The following MYO1D variants were observed in gnomAD, a reference collection of about 807,000 sequenced individuals.
MYO1D encodes myosin ID, also known as unconventional myosin-Id.
In MYO1D, 83 loss-of-function variants were observed where a neutral mutation model predicts 122.0. The ratio of observed to expected loss-of-function variants is 0.68; its 90% CI spans 0.57 to 0.82. The LOEUF (loss-of-function observed/expected upper bound fraction) is 0.82, where lower values mean the gene tolerates loss of function less well. Ranked by LOEUF, MYO1D falls within the 40% of genes least tolerant of loss-of-function variation. The pLI is 0.00. For synonymous variants in MYO1D, 464 were observed against 446.9 expected (o/e 1.04, Z -0.48); for missense variants, 1,157 against 1,269.5 (o/e 0.91, Z 1.35).
chr17:32,610,156 A>T (rs925418577), intron 20 of MYO1D, among the ~76,000 whole-genome samples: 6 of 152,154 alleles, frequency 3.9e-5, no homozygotes, highest in African/African-American at 1.4e-4. Context: ...CTGAAACCAC[A>T]GGGATAGAGG....
At chr17:32,728,294 C>T (rs2089599140) in intron 14 of MYO1D, among the ~76,000 whole-genome samples, 1 of 151,820 alleles carries the variant, frequency 6.6e-6, no homozygotes, top group Non-Finnish European at 1.5e-5. Flanking sequence ...CAACCTCGGA[C>T]TCCCGGGTTC....
intron 21 of MYO1D, among the ~76,000 whole-genome samples, chr17:32,571,164 T>C (rs1329663197): frequency 6.6e-6 from 1 of 152,054 alleles, no homozygotes; most frequent in African/African-American, 2.4e-5. Flanking sequence ...CAGTGGGAAG[T>C]ATCTGTGGGG....
At chr17:32,652,388 C>T (rs774924008) in intron 19 of MYO1D, among the ~76,000 whole-genome samples, 4 of 152,058 alleles carry the variant, frequency 2.6e-5, no homozygotes, top group Non-Finnish European at 5.9e-5. Context: ...AAATGAAGCA[C>T]GTGTAAAATC....
chr17:32,736,807 T>G (rs1373289703), intron 14 of MYO1D, among the ~76,000 whole-genome samples: 1 of 152,260 alleles, frequency 6.6e-6, no homozygotes, highest in African/African-American at 2.4e-5. Flanking sequence ...GTCCTGTGTC[T>G]TCCTTCCAGG....
At chr17:32,749,083 A>G in intron 11 of MYO1D, 77 bp from the exon 12 acceptor site, 1 of 1,240,464 alleles carries the variant, frequency 8.1e-7, no homozygotes, top group Non-Finnish European at 1.2e-6. Flanking sequence ...CTTAATATGA[A>G]ATGATGATAA....
intron 1 of MYO1D, among the ~76,000 whole-genome samples, chr17:32,849,279 T>C (rs570289200): frequency 2.0e-5 from 3 of 149,540 alleles, no homozygotes; most frequent in Non-Finnish European, 4.4e-5. Context: ...GATCTAGAAC[T>C]AGAAATACCA....
At chr17:32,593,549 G>C (rs948359586) in intron 21 of MYO1D, among the ~76,000 whole-genome samples, 1 of 152,178 alleles carries the variant, frequency 6.6e-6, no homozygotes, top group Non-Finnish European at 1.5e-5. Flanking sequence ...TTGTTCCTTT[G>C]TAAGAGAATC....
At chr17:32,720,936 T>C (rs1399776566) in intron 15 of MYO1D, 87 bp downstream of exon 15, 2 of 1,279,196 alleles carry the variant, frequency 1.6e-6, no homozygotes, top group Admixed American at 5.4e-5. Context: ...TATTTATAGA[T>C]TGCCTAATAT....
chr17:32,613,126 A>G (rs1375260663), intron 20 of MYO1D, among the ~76,000 whole-genome samples: 1 of 151,630 alleles, frequency 6.6e-6, no homozygotes. Flanking sequence ...AAGAAAGATA[A>G]AACAATTAAT....
At chr17:32,663,973 C>T (rs565828266) in intron 16 of MYO1D, among the ~76,000 whole-genome samples, 23 of 152,158 alleles carry the variant, frequency 1.5e-4, no homozygotes, top group South Asian at 6.2e-4. Flanking sequence ...TTCTTGGTTT[C>T]GGGGTTGATG....
chr17:32,538,040 C>G (rs1485801729), intron 21 of MYO1D, among the ~76,000 whole-genome samples: 2 of 151,954 alleles, frequency 1.3e-5, no homozygotes, highest in Non-Finnish European at 2.9e-5. Context: ...TTTTTTCAAC[C>G]TGTAATGTCT....
chr17:32,594,904 C>G (rs1386648695), intron 21 of MYO1D, among the ~76,000 whole-genome samples: 2 of 152,122 alleles, frequency 1.3e-5, no homozygotes, highest in African/African-American at 4.8e-5. Flanking sequence ...CTTGTCAGCT[C>G]ACTGACAAGG....
At chr17:32,600,218 G>T (rs1303786392) in intron 21 of MYO1D, among the ~76,000 whole-genome samples, 1 of 152,174 alleles carries the variant, frequency 6.6e-6, no homozygotes, top group Admixed American at 6.5e-5. Context: ...TGTAATCCAG[G>T]CCTTGTGTTT....
rs560108065 is a variant in MYO1D, at chr17:32,755,705, C to T, written c.1297-43G>A. ...GAGGGAATTCTGAAGAGAACAGTGA[C>T]CAGGCCAGGTTAAACCCTGATGCTC... is the stretch of plus-strand genomic sequence containing the variant. On this transcript the variant is annotated intron_variant, in intron 10 of 21. Transcript: ENST00000318217. 8 of 1,566,282 alleles carry T rather than the reference C, an allele frequency of 5.1e-6. No homozygotes were observed. The South Asian group carries it at 8.0e-5, about 16-fold the overall frequency.
At chr17:32,509,674 C>T (rs978332370) in intron 21 of MYO1D, among the ~76,000 whole-genome samples, 2 of 152,050 alleles carry the variant, frequency 1.3e-5, no homozygotes, top group Non-Finnish European at 2.9e-5. Flanking sequence ...CTGCAACCTC[C>T]GCCTCCCAGG....
At position 32,877,040 on chromosome 17, in the gene MYO1D, C is replaced by T. The variant is rs1181794380; in HGVS notation, c.-168G>A. On this transcript the variant is annotated 5_prime_UTR_variant, in exon 1 of 22. Coordinates refer to ENST00000318217, the MANE Select transcript of MYO1D (RefSeq NM_015194.3). ...GCCGGACAGAGGCCGCCTCGCTGCT[C>T]CTCGGCGCCTTCTCGGCCGGCGCGG... 3.9e-6 allele frequency: 1 copy of T among 255,972 alleles called. No individual in the cohort carries two copies. Among genetic ancestry groups the T allele is most frequent in the Non-Finnish European group, 7.2e-6 (1 of 138,130 alleles). 15.9% of individuals were successfully genotyped at this position (255,972 alleles called of 1,614,324 possible).
intron 14 of MYO1D, among the ~76,000 whole-genome samples, chr17:32,725,902 C>T (rs2089566831): frequency 6.6e-6 from 1 of 152,206 alleles, no homozygotes; most frequent in African/African-American, 2.4e-5. Context: ...TGACAGCTAA[C>T]TTCTCAAAAG....
chr17:32,655,539 A>T (rs1396927325), intron 17 of MYO1D, among the ~76,000 whole-genome samples: 1 of 152,122 alleles, frequency 6.6e-6, no homozygotes, highest in East Asian at 1.9e-4. Flanking sequence ...GCCGTGAGGG[A>T]GCTGGTCATA....
chr17:32,784,766 C>T (rs1350374733), intron 1 of MYO1D, among the ~76,000 whole-genome samples: 2 of 151,954 alleles, frequency 1.3e-5, no homozygotes, highest in African/African-American at 2.4e-5. Context: ...GAGAGGGGCT[C>T]CTTCAGATCA....
Sources: allele counts gnomAD v4.1 joint callset (sites outside exome capture counted in the v4.1 genomes callset), GRCh38; gene constraint gnomAD v4.1.1; transcripts MANE v1.5; gene names NCBI Gene and HGNC (gene_info 2026-07-23, HGNC 2026-07-21).